Variants in PLCB4 observed in about 807,000 individuals in gnomAD.
PLCB4 encodes the protein phospholipase C beta 4, also known as 1-phosphatidylinositol 4,5-bisphosphate phosphodiesterase beta-4.
PLCB4 carries 77 observed loss-of-function variants against 178.8 expected under a neutral mutation model. The observed-to-expected ratio is 0.43, with a 90% CI of 0.36 to 0.52. The LOEUF is 0.52. PLCB4 is among the 20% of genes least tolerant of loss of function. The pLI is 0.00. For missense variants in PLCB4, 1,024 were observed against 1,453.4 expected, an observed-to-expected ratio of 0.70 and a Z score of 4.80; for synonymous variants, 496 against 490.8, an observed-to-expected ratio of 1.01 and a Z score of -0.14.
chr20:9,472,902 A>T (rs545417012), intron 37 of PLCB4, 55 bp downstream of exon 37: 125 of 1,004,592 alleles, frequency 1.2e-4, no homozygotes, highest in Middle Eastern at 2.2e-4. Flanking sequence ...ATAAACAATA[A>T]CATGCTTAGC....
intron 2 of PLCB4, among the ~76,000 whole-genome samples, chr20:9,173,890 C>T (rs1416985712): frequency 3.3e-5 from 5 of 152,118 alleles, no homozygotes; most frequent in African/African-American, 1.2e-4. Flanking sequence ...CATCTAATTC[C>T]TTCAGGCTGT....
intron 7 of PLCB4, among the ~76,000 whole-genome samples, chr20:9,357,411 G>T (rs1017667658): frequency 3.3e-5 from 5 of 152,158 alleles, no homozygotes; most frequent in East Asian, 3.9e-4. Flanking sequence ...CCAAGAGTGG[G>T]TCTAGAACCA....
chr20:9,189,616 T>A (rs1415454138), intron 2 of PLCB4, among the ~76,000 whole-genome samples: 1 of 152,224 alleles, frequency 6.6e-6, no homozygotes, highest in Non-Finnish European at 1.5e-5. Context: ...TATGCTGCTG[T>A]AACAGAATAC....
chr20:9,387,624 G>A lies in PLCB4; in HGVS notation c.1158+68G>A. ...AAAATGCAGGAAATAGGGAGATGGA[G>A]AAGAGAAAACAAATGATTCATTTTC... On this transcript the variant is annotated intron_variant, in intron 15 of 39. Transcript: ENST00000378473. 3 of 693,866 alleles carry A rather than the reference G, an allele frequency of 4.3e-6. 1 individual carries two copies. The Middle Eastern group carries it at 1.1e-3, about 260-fold the overall frequency. 43.0% of individuals were successfully genotyped at this position (693,866 alleles called of 1,614,324 possible). A position where few individuals can be genotyped will look rare whatever the true frequency, so the allele number is the denominator to read the frequency against.
At chr20:9,149,825 T>C (rs1429215950) in intron 2 of PLCB4, among the ~76,000 whole-genome samples, 1 of 152,194 alleles carries the variant, frequency 6.6e-6, no homozygotes, top group Non-Finnish European at 1.5e-5. Flanking sequence ...GAGGTTTGTT[T>C]ATTCTCAAAT....
At chr20:9,296,867 G>A (rs1601678049) in intron 3 of PLCB4, among the ~76,000 whole-genome samples, 1 of 152,114 alleles carries the variant, frequency 6.6e-6, no homozygotes, top group African/African-American at 2.4e-5. Flanking sequence ...GTGGGGTTGG[G>A]GGAGGGGGAA....
At position 9,459,682 on chromosome 20, in the gene PLCB4, C is replaced by T. The variant is rs2122443946; in HGVS notation, c.3120C>T (p.Ile1040=). ...AQHTKEWSEM[I]NTHSAEEQEI... is the part of the protein sequence containing the mutation. ...ACACAAAGGAATGGTCAGAAATGAT[C>T]AATACCCACAGTGCTGAGGAGCAAG... is the stretch of plus-strand genomic sequence containing the variant. Residue 1040 remains isoleucine, a synonymous_variant, in exon 35 of 40, where the codon ATC becomes ATT. Transcript: ENST00000378473. 1 of 1,613,174 alleles carries T rather than the reference C, an allele frequency of 6.2e-7. No homozygotes were observed. Among genetic ancestry groups the T allele is most frequent in the East Asian group, 2.2e-5 (1 of 44,832 alleles).
At chr20:9,471,469 C>T (rs931780642) in intron 36 of PLCB4, among the ~76,000 whole-genome samples, 2 of 151,854 alleles carry the variant, frequency 1.3e-5, no homozygotes, top group South Asian at 2.1e-4. Flanking sequence ...CAGAGAAAAA[C>T]GCTTTGAAAA....
At chr20:9,329,943 A>G (rs1469100564) in intron 4 of PLCB4, among the ~76,000 whole-genome samples, 2 of 152,200 alleles carry the variant, frequency 1.3e-5, no homozygotes, top group Non-Finnish European at 2.9e-5. Flanking sequence ...CATCTATTAC[A>G]TCAGTCCATA....
At chr20:9,176,726 A>G (rs1056770492) in intron 2 of PLCB4, among the ~76,000 whole-genome samples, 3 of 152,188 alleles carry the variant, frequency 2.0e-5, no homozygotes, top group South Asian at 2.1e-4. Flanking sequence ...TAAACTACAT[A>G]TAAGTAATTT....
At chr20:9,186,368 C>T (rs2093328787) in intron 2 of PLCB4, among the ~76,000 whole-genome samples, 1 of 152,180 alleles carries the variant, frequency 6.6e-6, no homozygotes, top group Non-Finnish European at 1.5e-5. Context: ...TCTGCCAACT[C>T]ATTCCAGAAG....
Position 9,405,402 on chromosome 20 carries a change from A to T in PLCB4, c.1647+54A>T, listed in dbSNP as rs55990277. 0.038 allele frequency: 41,048 copies of T among 1,067,898 alleles called. 3,204 individuals are homozygous for T. The highest frequency in any genetic ancestry group is 0.24 in the African/African-American group (14,895 of 62,356). The allele number at this position is 1,067,898 out of a possible 1,614,324, so 66.2% of individuals were successfully genotyped here. A position where few individuals can be genotyped will look rare whatever the true frequency, so the allele number is the denominator to read the frequency against. On this transcript the variant is annotated intron_variant, in intron 21 of 39. Transcript: ENST00000378473. ...AAATCAGATGCATCTAATTTAAAAA[A>T]TCTTCAAAGGAAGGAATCAGTTGTG...
chr20:9,325,936 A>C (rs563717233), intron 4 of PLCB4, among the ~76,000 whole-genome samples: 17 of 152,336 alleles, frequency 1.1e-4, no homozygotes, highest in African/African-American at 3.8e-4. Context: ...GATGCTTAAC[A>C]TCAAGGTGCT....
intron 2 of PLCB4, among the ~76,000 whole-genome samples, chr20:9,215,662 G>A (rs951016315): frequency 2.6e-5 from 4 of 151,974 alleles, no homozygotes; most frequent in African/African-American, 7.3e-5. Context: ...TTTGCTTCAT[G>A]GTAAAATATT....
At chr20:9,179,657 G>C (rs900983640) in intron 2 of PLCB4, among the ~76,000 whole-genome samples, 3 of 152,166 alleles carry the variant, frequency 2.0e-5, no homozygotes, top group Non-Finnish European at 1.5e-5. Flanking sequence ...ATTTGATACT[G>C]AGTTAAGTAT....
intron 19 of PLCB4, among the ~76,000 whole-genome samples, chr20:9,397,592 T>G (rs1262758926): frequency 1.3e-5 from 2 of 152,218 alleles, no homozygotes; most frequent in African/African-American, 4.8e-5. Context: ...TTAACTAACC[T>G]TATTCAAGAC....
Position 9,480,059 on chromosome 20 carries a change from GTTCT to G in PLCB4, c.*1051_*1054del, listed in dbSNP as rs1568931717. The G allele has an allele frequency of 2.9e-4, 45 of 152,578 alleles. No homozygotes were observed. The highest frequency in any genetic ancestry group is 1.1e-3 in the African/African-American group (45 of 41,508). 9.5% of individuals were successfully genotyped at this position (152,578 alleles called of 1,614,324 possible). On this transcript the variant is annotated 3_prime_UTR_variant, in exon 40 of 40. Coordinates refer to ENST00000378473, the MANE Select transcript of PLCB4 (RefSeq NM_001377142.1). ...TATGTGGGCATTCTTGATACTTCAA[GTTCT>G]AGTTTGAAAAAAATACATAACTAAT...
chr20:9,371,269 A>G lies in PLCB4; in HGVS notation c.559A>G (p.Lys187Glu), dbSNP rs1017133020. Residue 187 changes from lysine (K) to glutamate (E), a missense_variant, in exon 10 of 40, where the codon AAG (lysine) becomes GAG (glutamate). By Grantham distance (56) the Lys-to-Glu change is moderately conservative. This residue lies in a region of PLCB4 where 225 missense variants were observed against 291.0 expected (regional missense o/e 0.77). Coordinates refer to ENST00000378473, the MANE Select transcript of PLCB4 (RefSeq NM_001377142.1). ...KTEKVIFQALKELGLPSGKND... is the reference protein window; with the variant it reads ...KTEKVIFQALEELGLPSGKND... ...AGAAAAGGTGATCTTTCAAGCACTC[A>G]AGGAGTTAGGTCTTCCCAGTGGAAA... is the stretch of plus-strand genomic sequence containing the variant. 1 of 1,607,712 alleles carries G rather than the reference A, an allele frequency of 6.2e-7. No individual in the cohort carries two copies.
At chr20:9,350,810 C>T (rs868026870) in intron 7 of PLCB4, among the ~76,000 whole-genome samples, 49 of 152,288 alleles carry the variant, frequency 3.2e-4, no homozygotes, top group African/African-American at 2.9e-4. Flanking sequence ...CCACCCACCT[C>T]GGCCTCCCAA....
Sources: allele counts gnomAD v4.1 joint callset (sites outside exome capture counted in the v4.1 genomes callset), GRCh38; gene constraint gnomAD v4.1.1; regional missense constraint gnomAD v4.1.1; transcripts MANE v1.5; gene names NCBI Gene and HGNC (gene_info 2026-07-23, HGNC 2026-07-21).